ATP8A2: variants seen among roughly 807,000 people sequenced by gnomAD.
ATP8A2 encodes the protein ATPase phospholipid transporting 8A2, also known as phospholipid-transporting ATPase IB.
Under a neutral mutation model 165.6 loss-of-function variants are expected in ATP8A2, and 100 were observed. That is an observed-to-expected ratio of 0.60 (90% CI 0.51 to 0.71). The LOEUF (loss-of-function observed/expected upper bound fraction) is 0.71, where lower values mean the gene tolerates loss of function less well. Among genes scored for constraint, ATP8A2 ranks in the 30% least tolerant of loss-of-function variants. The probability of loss-of-function intolerance (pLI) is 0.00; values close to 1 mark genes in which losing one functional copy is unlikely to be tolerated. For missense variants in ATP8A2, 1,227 were observed against 1,479.5 expected (o/e 0.83, Z 2.80); for synonymous variants, 543 against 548.8 (o/e 0.99, Z 0.15).
At chr13:25,771,165 G>C (rs1205197737) in intron 26 of ATP8A2, among the ~76,000 whole-genome samples, 1 of 152,222 alleles carries the variant, frequency 6.6e-6, no homozygotes, top group East Asian at 1.9e-4. Context: ...GTAAGAGAAG[G>C]AATCTTGACT....
intron 24 of ATP8A2, among the ~76,000 whole-genome samples, chr13:25,688,714 G>C (rs567899674): frequency 6.5e-4 from 99 of 152,328 alleles, no homozygotes; most frequent in African/African-American, 2.2e-3. Flanking sequence ...GATTCAGGGA[G>C]TCCTAAGAAG....
chr13:25,833,077 T>TG (rs1951519762), intron 28 of ATP8A2, among the ~76,000 whole-genome samples: 1 of 152,004 alleles, frequency 6.6e-6, no homozygotes, highest in South Asian at 2.1e-4. Flanking sequence ...AAACAGCTTT[T>TG]TTTTTTCTCT....
intron 2 of ATP8A2, among the ~76,000 whole-genome samples, chr13:25,495,373 G>A (rs1044651998): frequency 2.6e-4 from 40 of 152,264 alleles, no homozygotes; most frequent in African/African-American, 9.6e-4. Flanking sequence ...TCTTGTGTGG[G>A]CGAGAGCTGG....
chr13:25,979,765 G>T (rs1956140659), intron 35 of ATP8A2, among the ~76,000 whole-genome samples: 1 of 152,192 alleles, frequency 6.6e-6, no homozygotes, highest in African/African-American at 2.4e-5. Context: ...ACAGTGAGTG[G>T]TGGCTCCTGG....
At chr13:25,853,422 T>G (rs971559604) in intron 30 of ATP8A2, among the ~76,000 whole-genome samples, 7 of 135,174 alleles carry the variant, frequency 5.2e-5, no homozygotes, top group African/African-American at 9.2e-5. Context: ...TATATATATA[T>G]AGAATTTCTT....
At chr13:25,466,979 T>TCTTA (rs781292947) in intron 1 of ATP8A2, among the ~76,000 whole-genome samples, 56 of 152,216 alleles carry the variant, frequency 3.7e-4, no homozygotes, top group Non-Finnish European at 1.9e-4. Context: ...TCTCCATCTG[T>TCTTA]CTTACATCAG....
At chr13:25,786,938 T>A (rs2045044692) in intron 27 of ATP8A2, among the ~76,000 whole-genome samples, 1 of 152,078 alleles carries the variant, frequency 6.6e-6, no homozygotes, top group African/African-American at 2.4e-5. Context: ...TAAAAAATTA[T>A]CTTTAGTAGG....
intron 24 of ATP8A2, among the ~76,000 whole-genome samples, chr13:25,654,581 A>G (rs958676456): frequency 2.0e-5 from 3 of 152,298 alleles, no homozygotes; most frequent in East Asian, 1.9e-4. Flanking sequence ...CTTTGGCTTT[A>G]CAGGACATAA....
At chr13:25,803,598 A>G (rs1347768095) in intron 27 of ATP8A2, among the ~76,000 whole-genome samples, 2 of 152,226 alleles carry the variant, frequency 1.3e-5, no homozygotes, top group East Asian at 1.9e-4. Flanking sequence ...GTGCGTGTGC[A>G]CAGATCAGCC....
At chr13:25,793,231 A>G (rs983233578) in intron 27 of ATP8A2, among the ~76,000 whole-genome samples, 1 of 152,206 alleles carries the variant, frequency 6.6e-6, no homozygotes, top group African/African-American at 2.4e-5. Context: ...TAAAGTGATC[A>G]AGTGACCATC....
chr13:25,921,530 G>A (rs191256624), intron 33 of ATP8A2, among the ~76,000 whole-genome samples: 2 of 150,874 alleles, frequency 1.3e-5, no homozygotes, highest in Admixed American at 1.3e-4. Flanking sequence ...GGCTGAGGCA[G>A]GAAAATTGCT....
intron 1 of ATP8A2, among the ~76,000 whole-genome samples, chr13:25,425,829 G>A (rs909844572): frequency 2.2e-4 from 33 of 152,136 alleles, no homozygotes; most frequent in Admixed American, 3.9e-4. Flanking sequence ...GCCCGCCTCC[G>A]CCTCCCAGAG....
chr13:25,467,481 T>A (rs1028994041), intron 1 of ATP8A2, among the ~76,000 whole-genome samples: 1 of 152,178 alleles, frequency 6.6e-6, no homozygotes, highest in African/African-American at 2.4e-5. Flanking sequence ...ACTTTCTCTT[T>A]AAAAGTGTTT....
chr13:25,579,962 T>G lies in ATP8A2; in HGVS notation c.2007+15T>G, dbSNP rs1462466535. 6.2e-7 allele frequency: 1 copy of G among 1,613,244 alleles called. No homozygotes were observed. Among genetic ancestry groups the G allele is most frequent in the East Asian group, 2.2e-5 (1 of 44,840 alleles). On this transcript the variant is annotated intron_variant, in intron 22 of 36. Transcript: ENST00000381655. ...TCATTGAGAAGGTAACCGCACACAA[T>G]ACAGTCTTTTCAGCTCCATGAAGGA... is the stretch of plus-strand genomic sequence containing the variant.
intron 33 of ATP8A2, among the ~76,000 whole-genome samples, chr13:25,931,653 G>A (rs867658657): frequency 1.5e-4 from 23 of 152,156 alleles, no homozygotes; most frequent in African/African-American, 5.6e-4. Flanking sequence ...GAACCAAATG[G>A]AAGTAAATTA....
intron 33 of ATP8A2, among the ~76,000 whole-genome samples, chr13:25,929,689 C>T (rs1355954411): frequency 2.0e-5 from 3 of 152,034 alleles, no homozygotes; most frequent in Non-Finnish European, 2.9e-5. Flanking sequence ...GAGACCTCGT[C>T]TCTACAAAAA....
chr13:25,879,638 G>T (rs890381913), intron 33 of ATP8A2, among the ~76,000 whole-genome samples: 1 of 152,168 alleles, frequency 6.6e-6, no homozygotes, highest in Non-Finnish European at 1.5e-5. Context: ...GCCAGTGCTG[G>T]CAGGCGCATC....
At chr13:25,578,339 G>A (rs1276661883) in intron 20 of ATP8A2, among the ~76,000 whole-genome samples, 2 of 152,160 alleles carry the variant, frequency 1.3e-5, no homozygotes, top group Non-Finnish European at 2.9e-5. Flanking sequence ...ATAGGCAGAT[G>A]GGCTGTGCAC....
chr13:25,994,108 A>G (rs1056253161), intron 35 of ATP8A2, among the ~76,000 whole-genome samples: 1 of 152,098 alleles, frequency 6.6e-6, no homozygotes, highest in Admixed American at 6.5e-5. Context: ...CCCAAATTGC[A>G]TTGTATTTTA....
Sources: gnomAD v4.1 joint callset for allele counts (sites outside exome capture counted in the v4.1 genomes callset) on GRCh38, gnomAD v4.1.1 for gene constraint, MANE v1.5 for transcripts, NCBI Gene and HGNC (gene_info 2026-07-23, HGNC 2026-07-21) for gene names.